Variants in GALK2 observed in about 807,000 individuals in gnomAD.
GALK2 encodes the protein galactokinase 2, also known as N-acetylgalactosamine kinase.
A neutral mutation model predicts 52.4 loss-of-function variants in GALK2; 36 were observed. The ratio of observed to expected loss-of-function variants is 0.69; its 90% CI spans 0.53 to 0.91. The LOEUF (loss-of-function observed/expected upper bound fraction) is 0.91, where lower values mean the gene tolerates loss of function less well. GALK2 is among the 40% of genes least tolerant of loss of function. The probability of loss-of-function intolerance (pLI) is 0.00; values close to 1 mark genes in which losing one functional copy is unlikely to be tolerated. For synonymous variants in GALK2, 176 were observed against 199.1 expected (o/e 0.88, Z 0.98); for missense variants, 579 against 559.1 (o/e 1.04, Z -0.36).
chr15:49,349,068 A>C (rs1304083319), intron 3 of GALK2, among the ~76,000 whole-genome samples: 1 of 152,208 alleles, frequency 6.6e-6, no homozygotes, highest in African/African-American at 2.4e-5. Context: ...GAAGTCTTTT[A>C]TTTAATTCAC....
chr15:49,246,369 C>G (rs1485448350), intron 5 of GALK2, among the ~76,000 whole-genome samples: 1 of 152,146 alleles, frequency 6.6e-6, no homozygotes, highest in Non-Finnish European at 1.5e-5. Context: ...ATTCCTCCCT[C>G]TGCTGGTGTG....
In GALK2 at chr15:49,319,594, C is replaced by CCTT. The variant is rs1212327398; in HGVS notation, c.968-8_968-6dup. On this transcript the variant is annotated splice_polypyrimidine_tract_variant and intron_variant, in intron 8 of 9. Coordinates refer to ENST00000560031, the MANE Select transcript of GALK2 (RefSeq NM_002044.4). ...TCCTAACCTCCTTCCCCATCCTCTT[C>CCTT]CTTCCTCAGTGCTCATCTTCAAACT... The CCTT allele has an allele frequency of 6.2e-7, 1 of 1,613,636 alleles. No homozygotes were observed. Among genetic ancestry groups the CCTT allele is most frequent in the African/African-American group, 1.3e-5 (1 of 74,940 alleles).
chr15:49,316,563 A>C (rs2036431325), intron 8 of GALK2, among the ~76,000 whole-genome samples: 1 of 152,192 alleles, frequency 6.6e-6, no homozygotes, highest in Non-Finnish European at 1.5e-5. Flanking sequence ...ATGTATACAT[A>C]TGTAACAAAC....
Position 49,330,434 on chromosome 15 carries a change from G to C in GALK2, c.*2275G>C, listed in dbSNP as rs959534790. On this transcript the variant is annotated 3_prime_UTR_variant, in exon 10 of 10. Transcript: ENST00000560031. ...TCAGGAGATTGTACAAGCAGTATCA[G>C]ATATTCTGGATTACTCAGAATCTGG... 7 of 152,166 alleles carry C rather than the reference G, an allele frequency of 4.6e-5. No individual in the cohort carries two copies. The highest frequency in any genetic ancestry group is 8.8e-5 in the Non-Finnish European group (6 of 68,032). The allele number at this position is 152,166 out of a possible 1,614,324, so 9.4% of individuals were successfully genotyped here.
intron 5 of GALK2, among the ~76,000 whole-genome samples, chr15:49,240,065 C>G (rs1749018700): frequency 6.6e-6 from 1 of 152,170 alleles, no homozygotes; most frequent in African/African-American, 2.4e-5. Flanking sequence ...CATGCTTAGT[C>G]TCTTTTAAGC....
chr15:49,178,195 C>CTATATATATATATATATATATA (rs71120671), intron 1 of GALK2, among the ~76,000 whole-genome samples: 2 of 50,528 alleles, frequency 4.0e-5, no homozygotes, highest in Admixed American at 3.1e-4. Context: ...AAAAGAAATA[C>CTATATATATATATATATATATA]TATATATATA....
intron 3 of GALK2, among the ~76,000 whole-genome samples, chr15:49,230,387 C>T (rs1377191812): frequency 6.6e-6 from 1 of 152,156 alleles, no homozygotes; most frequent in Non-Finnish European, 1.5e-5. Context: ...GCCCTTTACC[C>T]ACGCTGAAGA....
chr15:49,175,316 G>A (rs1595882481), intron 1 of GALK2, among the ~76,000 whole-genome samples: 2 of 152,300 alleles, frequency 1.3e-5, no homozygotes, highest in Non-Finnish European at 1.5e-5. Flanking sequence ...AATCAGAGTT[G>A]TAGTGGCCTG....
At chr15:49,270,030 C>G (rs2030191616) in intron 5 of GALK2, among the ~76,000 whole-genome samples, 1 of 152,214 alleles carries the variant, frequency 6.6e-6, no homozygotes, top group Non-Finnish European at 1.5e-5. Context: ...CTTGCTCCCT[C>G]TTCTTAGAAT....
At chr15:49,220,947 C>A (rs1005923555) in intron 3 of GALK2, among the ~76,000 whole-genome samples, 2 of 152,032 alleles carry the variant, frequency 1.3e-5, no homozygotes, top group Non-Finnish European at 2.9e-5. Flanking sequence ...TTTTTACTAT[C>A]GAGTGTTTTG....
chr15:49,292,107 A>G (rs1307793670), intron 7 of GALK2, among the ~76,000 whole-genome samples: 1 of 151,976 alleles, frequency 6.6e-6, no homozygotes, highest in Non-Finnish European at 1.5e-5. Flanking sequence ...TGTGTGTTTC[A>G]GGACAAATAC....
intron 1 of GALK2, chr15:49,178,229 A>T (rs2085651002): frequency 1.8e-5 from 2 of 113,132 alleles, no homozygotes; most frequent in Admixed American, 1.0e-4. Flanking sequence ...ATATATATAG[A>T]AATAAAATGT....
chr15:49,345,049 G>C (rs933207890), intron 3 of GALK2, among the ~76,000 whole-genome samples: 2 of 152,152 alleles, frequency 1.3e-5, no homozygotes, highest in Non-Finnish European at 2.9e-5. Context: ...CTTCCTCAGA[G>C]TGCCTGTTAG....
chr15:49,178,645 G>A (rs1184810796), intron 1 of GALK2: 4 of 222,748 alleles, frequency 1.8e-5, no homozygotes, highest in Non-Finnish European at 3.8e-5. Flanking sequence ...AGAGCAGAGA[G>A]CTGTCAGTAC....
intron 5 of GALK2, among the ~76,000 whole-genome samples, chr15:49,250,197 G>A (rs1297725480): frequency 6.6e-6 from 1 of 152,132 alleles, no homozygotes; most frequent in Non-Finnish European, 1.5e-5. Flanking sequence ...CGGGGAACAA[G>A]CATTTCTAAC....
At chr15:49,297,918 G>A (rs1021445705) in intron 8 of GALK2, among the ~76,000 whole-genome samples, 4 of 137,320 alleles carry the variant, frequency 2.9e-5, no homozygotes, top group East Asian at 2.5e-4. Context: ...TTTTTTATTT[G>A]AATTTTTGAA....
chr15:49,165,050 G>A (rs2084778067), intron 1 of GALK2, among the ~76,000 whole-genome samples: 1 of 151,944 alleles, frequency 6.6e-6, no homozygotes, highest in Non-Finnish European at 1.5e-5. Flanking sequence ...GGAGCTTTTT[G>A]TTTATGTTTA....
At chr15:49,237,605 T>C (rs2090890213) in intron 4 of GALK2, among the ~76,000 whole-genome samples, 1 of 152,050 alleles carries the variant, frequency 6.6e-6, no homozygotes, top group Non-Finnish European at 1.5e-5. Context: ...CCCTCCTTAG[T>C]AGCTGGGATT....
intron 7 of GALK2, among the ~76,000 whole-genome samples, chr15:49,289,477 C>A (rs2033717786): frequency 6.6e-6 from 1 of 152,194 alleles, no homozygotes; most frequent in Admixed American, 6.5e-5. Context: ...CCCAGGGAGT[C>A]TCAGACCAAG....
Sources: gnomAD v4.1 joint callset for allele counts (sites outside exome capture counted in the v4.1 genomes callset) on GRCh38, gnomAD v4.1.1 for gene constraint, MANE v1.5 for transcripts, NCBI Gene and HGNC (gene_info 2026-07-23, HGNC 2026-07-21) for gene names.